The following PKIB variants were observed in gnomAD, a reference collection of about 807,000 sequenced individuals.
PKIB encodes PKI-beta.
A neutral mutation model predicts 4.5 loss-of-function variants in PKIB; 2 were observed. The observed-to-expected ratio is 0.44, with a 90% confidence interval of 0.18 to 1.39. The LOEUF (loss-of-function observed/expected upper bound fraction) is 1.39, where lower values mean the gene tolerates loss of function less well. PKIB is among the 40% of genes most tolerant of loss of function. The pLI, the probability that PKIB is intolerant of heterozygous loss-of-function variation, is 0.27. For missense variants in PKIB, 94 were observed against 92.6 expected, an observed-to-expected ratio of 1.02 and a Z score of -0.06; for synonymous variants, 38 against 36.0, an observed-to-expected ratio of 1.06 and a Z score of -0.20.
intron 2 of PKIB, among the ~76,000 whole-genome samples, chr6:122,573,342 A>G (rs1250031660): frequency 6.6e-6 from 1 of 151,990 alleles, no homozygotes; most frequent in Admixed American, 6.6e-5. Flanking sequence ...AGCCTGGACA[A>G]CATGGCAAGA....
intron 2 of PKIB, among the ~76,000 whole-genome samples, chr6:122,492,443 A>G (rs1775964612): frequency 6.6e-6 from 1 of 152,168 alleles, no homozygotes. Context: ...TCAGGGAACA[A>G]TATGGGACCA....
Position 122,720,378 on chromosome 6 carries a change from G to C in PKIB, c.169+2415G>C, listed in dbSNP as rs559968619. Among the ~76,000 whole-genome samples the C allele has an allele frequency of 9.0e-4, 137 of 152,230 alleles. 2 individuals carry two copies. The South Asian group carries it at 0.028, about 31-fold the overall frequency. ...TATGAACAGGAGGTGACAGAGGGTG[G>C]CATCCTGGGATGGAGAAAGATCAGT... is the stretch of plus-strand genomic sequence containing the variant. On this transcript the variant is annotated intron_variant, in intron 4 of 4. Transcript: ENST00000368452.
chr6:122,495,229 ACCCTCTT>A (rs1776043294), intron 2 of PKIB, among the ~76,000 whole-genome samples: 2 of 152,082 alleles, frequency 1.3e-5, no homozygotes, highest in Admixed American at 1.3e-4. Context: ...AGCAAAGTCC[ACCCTCTT>A]GGGTGGGAGG....
At chr6:122,715,425 A>G (rs1190206312) in intron 3 of PKIB, among the ~76,000 whole-genome samples, 1 of 151,952 alleles carries the variant, frequency 6.6e-6, no homozygotes, top group Non-Finnish European at 1.5e-5. Flanking sequence ...TGGAGGACAG[A>G]GTGGAGGCCA....
At chr6:122,485,935 A>C (rs1390332058) in intron 2 of PKIB, among the ~76,000 whole-genome samples, 1 of 152,102 alleles carries the variant, frequency 6.6e-6, no homozygotes, top group Non-Finnish European at 1.5e-5. Flanking sequence ...TTTTTGTCCC[A>C]AATTTACAAC....
chr6:122,616,386 A>G (rs1259464399), intron 1 of PKIB, among the ~76,000 whole-genome samples: 3 of 152,154 alleles, frequency 2.0e-5, no homozygotes, highest in African/African-American at 7.2e-5. Flanking sequence ...GTGCTGCGTG[A>G]GAAGGAAATG....
chr6:122,652,323 TGTGTGTGTGTGGAG>T (rs1047475406), intron 2 of PKIB, among the ~76,000 whole-genome samples: 10 of 119,718 alleles, frequency 8.4e-5, no homozygotes, highest in Non-Finnish European at 1.5e-4. Flanking sequence ...TGTGTGTGTG[TGTGTGTGTGTGGAG>T]AGAGAGAGAT....
chr6:122,613,765 A>T (rs1162480268), intron 1 of PKIB, among the ~76,000 whole-genome samples: 1 of 151,880 alleles, frequency 6.6e-6, no homozygotes, highest in Non-Finnish European at 1.5e-5. Flanking sequence ...AGAGGTAGAG[A>T]CCATCCTAGC....
At chr6:122,655,015 T>C (rs1463668034) in intron 2 of PKIB, among the ~76,000 whole-genome samples, 1 of 151,416 alleles carries the variant, frequency 6.6e-6, no homozygotes, top group Non-Finnish European at 1.5e-5. Context: ...TTAACTCTTT[T>C]GCCCAGGCTT....
intron 2 of PKIB, among the ~76,000 whole-genome samples, chr6:122,521,701 A>T (rs969886410): frequency 2.0e-5 from 3 of 151,992 alleles, no homozygotes; most frequent in African/African-American, 7.2e-5. Context: ...TAATAATAAT[A>T]AAAGAAGATG....
chr6:122,533,321 C>A (rs1450500527), intron 2 of PKIB, among the ~76,000 whole-genome samples: 2 of 152,028 alleles, frequency 1.3e-5, no homozygotes, highest in Admixed American at 6.6e-5. Flanking sequence ...AGGCGTATAC[C>A]ACCGTGCCTA....
chr6:122,561,863 C>T (rs2114673388), intron 2 of PKIB, among the ~76,000 whole-genome samples: 1 of 151,984 alleles, frequency 6.6e-6, no homozygotes. Context: ...GAGTTCTTAC[C>T]CATTCCATGG....
chr6:122,473,538 G>T (rs1379309233), intron 1 of PKIB, among the ~76,000 whole-genome samples: 2 of 152,100 alleles, frequency 1.3e-5, no homozygotes, highest in East Asian at 1.9e-4. Context: ...TATGTGGAGT[G>T]GAATTTGCTC....
chr6:122,490,186 A>G (rs76014425), intron 2 of PKIB, among the ~76,000 whole-genome samples: 4,265 of 152,316 alleles, frequency 0.028, 211 homozygotes, highest in African/African-American at 0.097. Flanking sequence ...ATGTTTTTCA[A>G]ACTTATAAAA....
chr6:122,567,440 C>A (rs1281261906), intron 2 of PKIB, among the ~76,000 whole-genome samples: 1 of 152,170 alleles, frequency 6.6e-6, no homozygotes, highest in Non-Finnish European at 1.5e-5. Flanking sequence ...AGTCCTTTGC[C>A]ATGGTTCCCT....
At chr6:122,680,392 A>G (rs907338677) in intron 3 of PKIB, among the ~76,000 whole-genome samples, 1 of 152,084 alleles carries the variant, frequency 6.6e-6, no homozygotes, top group Non-Finnish European at 1.5e-5. Flanking sequence ...TTCCTTCTGG[A>G]TTTGGGGGAG....
intron 2 of PKIB, among the ~76,000 whole-genome samples, chr6:122,583,613 C>T (rs778994290): frequency 4.6e-5 from 7 of 152,108 alleles, no homozygotes; most frequent in Non-Finnish European, 8.8e-5. Flanking sequence ...ACACTGAATA[C>T]GCACATATAC....
At chr6:122,629,920 C>T (rs116058187) in intron 1 of PKIB, among the ~76,000 whole-genome samples, 320 of 152,130 alleles carry the variant, frequency 2.1e-3, no homozygotes, top group African/African-American at 7.0e-3. Context: ...TCTGAAATAC[C>T]GTAAGGGCGT....
rs1426189513 is a variant in PKIB, at chr6:122,561,999, T to TG, written c.-247-23922_-247-23921insG. On this transcript the variant is annotated intron_variant, in intron 2 of 6. Coordinates refer to the PKIB transcript ENST00000392491. ...GTTTTTTTTTGTTTGTTTTTGTTTT[T>TG]TTTTGTTTTTTTTTTTTTTTGCTTT... Among the ~76,000 whole-genome samples, 45 of 131,750 alleles carry TG rather than the reference T, an allele frequency of 3.4e-4. 2 individuals carry two copies. Among genetic ancestry groups the TG allele is most frequent in the African/African-American group, 1.3e-3 (39 of 29,932 alleles). 86.4% of individuals were successfully genotyped at this position (131,750 alleles called of 152,430 possible). A position where few individuals can be genotyped will look rare whatever the true frequency, so the allele number is the denominator to read the frequency against.
Sources: allele counts gnomAD v4.1 joint callset (sites outside exome capture counted in the v4.1 genomes callset), GRCh38; gene constraint gnomAD v4.1.1; transcripts MANE v1.5; gene names NCBI Gene and HGNC (gene_info 2026-07-23, HGNC 2026-07-21).